SLC24A3: variants seen among roughly 807,000 people sequenced by gnomAD.
SLC24A3 encodes solute carrier family 24 member 3.
Under a neutral mutation model 75.8 loss-of-function variants are expected in SLC24A3, and 28 were observed. The observed-to-expected ratio is 0.37, with a 90% CI of 0.27 to 0.51. The LOEUF (loss-of-function observed/expected upper bound fraction) is 0.51. Ranked by LOEUF, SLC24A3 falls within the 20% of genes least tolerant of loss-of-function variation. The pLI is 0.94. For synonymous variants in SLC24A3, 372 were observed against 334.1 expected (o/e 1.11, Z -1.24); for missense variants, 663 against 847.8 (o/e 0.78, Z 2.71).
intron 15 of SLC24A3, among the ~76,000 whole-genome samples, chr20:19,703,999 G>A (rs979361850): frequency 2.0e-5 from 3 of 152,208 alleles, no homozygotes; most frequent in Admixed American, 2.0e-4. Context: ...TCTCATCAAA[G>A]TGCTTACCTT....
chr20:19,290,559 C>T (rs1983917506), intron 2 of SLC24A3, among the ~76,000 whole-genome samples: 1 of 152,200 alleles, frequency 6.6e-6, no homozygotes, highest in Non-Finnish European at 1.5e-5. Flanking sequence ...TGCAGGCCCT[C>T]CACCAGACAC....
intron 2 of SLC24A3, among the ~76,000 whole-genome samples, chr20:19,381,758 GGT>G (rs1225249864): frequency 1.3e-5 from 2 of 152,202 alleles, no homozygotes; most frequent in African/African-American, 4.8e-5. Context: ...TTATGTACTA[GGT>G]GAAGGTTCCC....
Position 19,409,845 on chromosome 20 carries a change from G to GTA in SLC24A3, c.272-105642_272-105641insAT, listed in dbSNP as rs201306570. ...GAATATATATAATATGTGTGTGTGT[G>GTA]TGTATATATATATATATATATGTAT... On this transcript the variant is annotated intron_variant, in intron 2 of 16. Transcript: ENST00000328041. 3.7e-3 allele frequency among the ~76,000 whole-genome samples: 536 copies of GTA among 145,742 alleles called. 1 individual carries two copies. The highest frequency in any genetic ancestry group is 0.014 in the South Asian group (68 of 4,698).
At chr20:19,327,589 G>A (rs947083998) in intron 2 of SLC24A3, among the ~76,000 whole-genome samples, 3 of 152,148 alleles carry the variant, frequency 2.0e-5, no homozygotes, top group Admixed American at 2.0e-4. Flanking sequence ...CAGGACATGT[G>A]GTTCTGCTCT....
chr20:19,625,830 C>T (rs185356412), intron 6 of SLC24A3, among the ~76,000 whole-genome samples: 1 of 152,164 alleles, frequency 6.6e-6, no homozygotes, highest in Admixed American at 6.5e-5. Context: ...ATATATATAT[C>T]TTTCCCTGAA....
At chr20:19,636,143 AAAAGAAAGAAAG>A (rs10536182) in intron 6 of SLC24A3, among the ~76,000 whole-genome samples, 1 of 151,052 alleles carries the variant, frequency 6.6e-6, no homozygotes, top group Non-Finnish European at 1.5e-5. Flanking sequence ...CCATCTCAAA[AAAAGAAAGAAAG>A]AAAGAAAGAA....
intron 6 of SLC24A3, among the ~76,000 whole-genome samples, chr20:19,599,560 G>A (rs1442412765): frequency 6.6e-6 from 1 of 152,208 alleles, no homozygotes; most frequent in African/African-American, 2.4e-5. Flanking sequence ...ACCTGATAGT[G>A]CTGAGCCTGG....
intron 3 of SLC24A3, among the ~76,000 whole-genome samples, chr20:19,540,321 G>A (rs1396266359): frequency 2.0e-5 from 3 of 152,156 alleles, no homozygotes; most frequent in Non-Finnish European, 4.4e-5. Flanking sequence ...CTTTCATCAG[G>A]AAGGGGAGAA....
intron 1 of SLC24A3, among the ~76,000 whole-genome samples, chr20:19,267,309 C>A (rs1489113854): frequency 6.6e-6 from 1 of 152,060 alleles, no homozygotes; most frequent in African/African-American, 2.4e-5. Flanking sequence ...ATAGATAATT[C>A]CCCAAGATAT....
intron 1 of SLC24A3, among the ~76,000 whole-genome samples, chr20:19,239,561 AC>A (rs1982273280): frequency 6.6e-6 from 1 of 152,130 alleles, no homozygotes; most frequent in African/African-American, 2.4e-5. Context: ...GAGGATGGTG[AC>A]CCCAGGGTGG....
intron 1 of SLC24A3, among the ~76,000 whole-genome samples, chr20:19,261,453 C>T (rs1982984496): frequency 6.6e-6 from 1 of 152,164 alleles, no homozygotes; most frequent in Non-Finnish European, 1.5e-5. Flanking sequence ...GTGGCTCCCA[C>T]CTCAGCCTCA....
intron 1 of SLC24A3, among the ~76,000 whole-genome samples, chr20:19,242,043 A>G (rs1982344818): frequency 6.6e-6 from 1 of 152,246 alleles, no homozygotes; most frequent in East Asian, 1.9e-4. Flanking sequence ...GACTGGCTCC[A>G]GCACATCTCT....
At chr20:19,274,433 T>C (rs1407690852) in intron 1 of SLC24A3, among the ~76,000 whole-genome samples, 4 of 152,132 alleles carry the variant, frequency 2.6e-5, no homozygotes. Flanking sequence ...CCTGTTAGCC[T>C]CTGGCTTCCT....
chr20:19,700,663 A>G (rs1415216694), intron 15 of SLC24A3, among the ~76,000 whole-genome samples: 1 of 152,348 alleles, frequency 6.6e-6, no homozygotes, highest in Admixed American at 6.5e-5. Context: ...GTTACTTTGT[A>G]TAGCAAAGAT....
chr20:19,512,907 C>T (rs548772000), intron 2 of SLC24A3, among the ~76,000 whole-genome samples: 21 of 152,334 alleles, frequency 1.4e-4, no homozygotes, highest in South Asian at 4.1e-4. Context: ...GGTTTCCACA[C>T]GATTCCTTTG....
intron 2 of SLC24A3, among the ~76,000 whole-genome samples, chr20:19,298,503 T>A (rs1016386492): frequency 1.3e-5 from 2 of 152,084 alleles, no homozygotes; most frequent in Non-Finnish European, 2.9e-5. Flanking sequence ...AAGCAGATTC[T>A]AAGACAAGGA....
chr20:19,412,572 G>T (rs753036064), intron 2 of SLC24A3, among the ~76,000 whole-genome samples: 1 of 151,312 alleles, frequency 6.6e-6, no homozygotes, highest in Admixed American at 6.6e-5. Flanking sequence ...GGGACAGGAC[G>T]AGGAGAAAGG....
At chr20:19,693,073 T>A (rs2032763250) in intron 12 of SLC24A3, 186 bp from the exon 13 acceptor site, 1 of 597,818 alleles carries the variant, frequency 1.7e-6, no homozygotes, top group Non-Finnish European at 2.7e-6. Context: ...TTAATTCTGT[T>A]TGGTGTTGCA....
intron 3 of SLC24A3, among the ~76,000 whole-genome samples, chr20:19,561,079 G>T (rs1024956206): frequency 7.9e-5 from 12 of 152,078 alleles, no homozygotes. Context: ...GAGTATTTCC[G>T]CTGACCTTTC....
Sources: allele counts gnomAD v4.1 joint callset (sites outside exome capture counted in the v4.1 genomes callset), GRCh38; gene constraint gnomAD v4.1.1; transcripts MANE v1.5; gene names NCBI Gene and HGNC (gene_info 2026-07-23, HGNC 2026-07-21).